CUL4B: variants seen among roughly 807,000 people sequenced by gnomAD.
The protein encoded by CUL4B is cullin 4B.
In CUL4B, 1 loss-of-function variant was observed where a neutral mutation model predicts 69.2. The ratio of observed to expected loss-of-function variants is 0.01; its 90% CI spans 0.01 to 0.07. The LOEUF is 0.07. Among genes scored for constraint, CUL4B ranks in the 10% least tolerant of loss-of-function variants. The probability of loss-of-function intolerance (pLI) is 1.00; values close to 1 mark genes in which losing one functional copy is unlikely to be tolerated. For synonymous variants in CUL4B, 237 were observed against 223.2 expected (o/e 1.06, Z -0.55); for missense variants, 328 against 638.8 (o/e 0.51, Z 5.24).
At chrX:120,545,687 T>C (rs993364358) in intron 4 of CUL4B, among the ~76,000 whole-genome samples, 170 bp from the exon 5 acceptor site, 1 of 111,372 alleles carries the variant, frequency 9.0e-6, no homozygotes, top group Non-Finnish European at 1.9e-5. Flanking sequence ...TAGTTTTTAT[T>C]ACTCAACAGT....
chrX:120,568,518 AT>A (rs1306420601), downstream of CUL4B, among the ~76,000 whole-genome samples: 1 of 111,787 alleles, frequency 8.9e-6, no homozygotes, highest in Non-Finnish European at 1.9e-5. Context: ...CTATTACTAA[AT>A]GTCCTTTATT....
chrX:120,539,428 G>A, intron 11 of CUL4B, 56 bp from the exon 12 acceptor site: 1 of 671,539 alleles, frequency 1.5e-6, no homozygotes, highest in South Asian at 2.5e-5. Flanking sequence ...GAGGTACTGG[G>A]CACTATATAT....
intron 11 of CUL4B, among the ~76,000 whole-genome samples, chrX:120,540,153 G>A (rs561089327): frequency 3.6e-5 from 4 of 112,059 alleles, no homozygotes; most frequent in African/African-American, 9.7e-5. Flanking sequence ...AGTGTCCAAC[G>A]TACTGTCTTT....
intron 18 of CUL4B, among the ~76,000 whole-genome samples, chrX:120,531,571 T>C (rs1376425088): frequency 1.9e-5 from 2 of 108,082 alleles, no homozygotes; most frequent in East Asian, 3.0e-4. Flanking sequence ...GTGATTCTCA[T>C]GCCTCAGCCT....
intron 13 of CUL4B, 98 bp from the exon 14 acceptor site, chrX:120,538,307 T>A (rs1371645323): frequency 1.9e-5 from 10 of 534,609 alleles, no homozygotes; most frequent in Non-Finnish European, 2.8e-5. Flanking sequence ...TAGTATGAAG[T>A]ATGATCTGTA....
upstream of CUL4B, among the ~76,000 whole-genome samples, chrX:120,565,413 G>C (rs1292337132): frequency 9.1e-6 from 1 of 109,298 alleles, no homozygotes; most frequent in Non-Finnish European, 1.9e-5. Flanking sequence ...GCTGGGCACA[G>C]TGGTTCACAC....
At chrX:120,545,639 C>CATGCAG (rs1221914504) in intron 4 of CUL4B, 122 bp from the exon 5 acceptor site, 1 of 497,656 alleles carries the variant, frequency 2.0e-6, no homozygotes, top group Non-Finnish European at 3.5e-6. Context: ...TAAGATCAAA[C>CATGCAG]ATGCAGATAA....
At chrX:120,559,923 A>G in intron 1 of CUL4B, 160 bp downstream of exon 1, 1 of 1,141,116 alleles carries the variant, frequency 8.8e-7, no homozygotes, top group Non-Finnish European at 1.2e-6. Flanking sequence ...CCCCCGGAAA[A>G]TGAACCCTCC....
At chrX:120,553,821 T>C (rs957278725) in intron 2 of CUL4B, among the ~76,000 whole-genome samples, 1 of 111,760 alleles carries the variant, frequency 8.9e-6, no homozygotes, top group African/African-American at 3.3e-5. Flanking sequence ...ATTATGAAAA[T>C]AATCCTATTT....
At chrX:120,545,132 T>A (rs927840603) in intron 5 of CUL4B, among the ~76,000 whole-genome samples, 8 of 112,002 alleles carry the variant, frequency 7.1e-5, no homozygotes, top group African/African-American at 2.6e-4. Flanking sequence ...TTTTGCATAA[T>A]GTTAAATGAG....
downstream of CUL4B, among the ~76,000 whole-genome samples, chrX:120,568,143 A>G (rs1194952168): frequency 9.0e-6 from 1 of 111,392 alleles, no homozygotes; most frequent in Non-Finnish European, 1.9e-5. Context: ...GAAAAAAGCT[A>G]ATAGGAAAGT....
At position 120,536,954 on chromosome X, in the gene CUL4B, C is replaced by T; in HGVS notation, c.2019G>A (p.Val673=). ...ILTMGYWPTY[V]PMEVHLPPEM... ...CTGGTGGTAAATGAACTTCCATAGG[C>T]ACATATGTCGGCCAATAGCCCATTG... is the stretch of plus-strand genomic sequence containing the variant. Residue 673 remains valine, a synonymous_variant, in exon 15 of 20, where the codon GTG becomes GTA. Transcript: ENST00000371322. The T allele has an allele frequency of 8.3e-7, 1 of 1,204,362 alleles. No homozygotes were observed. The highest frequency in any genetic ancestry group is 1.1e-6 in the Non-Finnish European group (1 of 888,867).
intron 14 of CUL4B, 144 bp downstream of exon 14, chrX:120,537,980 T>C: frequency 2.4e-6 from 1 of 417,792 alleles, no homozygotes; most frequent in East Asian, 4.0e-5. Context: ...ATTTCACCAA[T>C]TTTTTTTTCT....
chrX:120,546,295 G>C (rs773478629), intron 4 of CUL4B, among the ~76,000 whole-genome samples: 2 of 109,979 alleles, frequency 1.8e-5, no homozygotes, highest in Non-Finnish European at 3.8e-5. Context: ...CTCTGGTGAA[G>C]GGTGCACCAA....
chrX:120,548,809 G>A (rs1924497379), intron 2 of CUL4B, among the ~76,000 whole-genome samples: 1 of 111,267 alleles, frequency 9.0e-6, no homozygotes, highest in Non-Finnish European at 1.9e-5. Flanking sequence ...ACTCCAGCCT[G>A]GGCAACAGAG....
chrX:120,555,694 C>A, intron 2 of CUL4B, among the ~76,000 whole-genome samples: 1 of 110,476 alleles, frequency 9.1e-6, no homozygotes, highest in Middle Eastern at 4.7e-3. Flanking sequence ...GTAATCCCAG[C>A]ACCTTGGGAG....
intron 2 of CUL4B, among the ~76,000 whole-genome samples, chrX:120,556,773 C>A (rs1316418811): frequency 9.0e-6 from 1 of 111,011 alleles, no homozygotes; most frequent in African/African-American, 3.3e-5. Flanking sequence ...CATCTTCTGA[C>A]TCCTAATCCA....
intron 12 of CUL4B, 82 bp from the exon 13 acceptor site, chrX:120,538,852 C>CTTTA: frequency 1.7e-6 from 1 of 575,205 alleles, no homozygotes; most frequent in Non-Finnish European, 2.9e-6. Context: ...TAATAAAGCA[C>CTTTA]ACCATTATTC....
At chrX:120,574,618 C>G in exon 2 of CUL4B, 1 of 1,198,001 alleles carries the variant, frequency 8.3e-7, no homozygotes, top group Non-Finnish European at 1.1e-6. Context: ...GTGACATCAT[C>G]CGTCCTTTGG....
Sources: allele counts gnomAD v4.1 joint callset (sites outside exome capture counted in the v4.1 genomes callset), GRCh38; gene constraint gnomAD v4.1.1; transcripts MANE v1.5; gene names NCBI Gene and HGNC (gene_info 2026-07-23, HGNC 2026-07-21).